GSDME: variants seen among roughly 807,000 people sequenced by gnomAD.
GSDME encodes the protein gasdermin-E.
A neutral mutation model predicts 47.5 loss-of-function variants in GSDME; 44 were observed. The ratio of observed to expected loss-of-function variants is 0.93; its 90% CI spans 0.73 to 1.19. GSDME has a LOEUF of 1.19. Ranked by LOEUF, GSDME falls within the 50% of genes most tolerant of loss-of-function variation. GSDME has a pLI of 0.00. For synonymous variants in GSDME, 258 were observed against 252.8 expected, an observed-to-expected ratio of 1.02 and a Z score of -0.20; for missense variants, 663 against 604.2, an observed-to-expected ratio of 1.10 and a Z score of -1.02.
the GSDME span, among the ~76,000 whole-genome samples, chr7:24,770,398 C>G: frequency 9.9e-5 from 15 of 152,148 alleles, no homozygotes; most frequent in Non-Finnish European, 2.1e-4. This position sits in a 1 kb window ranked among gnomAD's most constrained non-coding sequence, Gnocchi z 4.6. Context: ...GTAAGTATAG[C>G]CTTTCCTGAG....
In GSDME at chr7:24,742,192, C is replaced by A. The variant is rs898602645; in HGVS notation, c.404+2370G>T. On this transcript the variant is annotated intron_variant, in intron 3 of 9. Coordinates refer to ENST00000645220, the MANE Select transcript of GSDME (RefSeq NM_001127453.2). The surrounding 1 kb of genome is among the most constrained non-coding windows in gnomAD (Gnocchi z 4.4). ...CCACCAAGTATCCTCCCTAGGGACG[C>A]GGGTTCATGCCTCGGCCTTAACATT... Among the ~76,000 whole-genome samples, 1 of 152,180 alleles carries A rather than the reference C, an allele frequency of 6.6e-6. No homozygotes were observed. The highest frequency in any genetic ancestry group is 1.5e-5 in the Non-Finnish European group (1 of 68,030).
intron 6 of GSDME, among the ~76,000 whole-genome samples, chr7:24,709,557 C>T (rs1789263416): frequency 6.6e-6 from 1 of 152,128 alleles, no homozygotes; most frequent in Non-Finnish European, 1.5e-5. Flanking sequence ...AGCGCGCACA[C>T]GGAGCGGTTC....
At chr7:24,707,187 T>C (rs980534114) in intron 7 of GSDME, 4 of 390,020 alleles carry the variant, frequency 1.0e-5, no homozygotes, top group African/African-American at 8.5e-5. Context: ...AAAAATAATA[T>C]GAACACTTCC....
chr7:24,790,893 G>A, the GSDME span, among the ~76,000 whole-genome samples: 4 of 152,100 alleles, frequency 2.6e-5, no homozygotes, highest in South Asian at 4.2e-4. The surrounding 1 kb of genome is among the most constrained non-coding windows in gnomAD (Gnocchi z 4.1). Flanking sequence ...TGTATACACT[G>A]GGAACAATCC....
At chr7:24,752,521 ACT>A (rs1222867204) in intron 1 of GSDME, among the ~76,000 whole-genome samples, 1 of 152,084 alleles carries the variant, frequency 6.6e-6, no homozygotes, top group East Asian at 1.9e-4. Context: ...TAGAAAAGAC[ACT>A]CGCTTGGTGA....
At chr7:24,763,601 G>A in the GSDME span, among the ~76,000 whole-genome samples, 1 of 152,136 alleles carries the variant, frequency 6.6e-6, no homozygotes, top group Non-Finnish European at 1.5e-5. This position sits in a 1 kb window ranked among gnomAD's most constrained non-coding sequence, Gnocchi z 4.3. Context: ...TAAAATTTAT[G>A]AATTGCTTAT....
At chr7:24,707,921 A>C in intron 7 of GSDME, 2 of 619,784 alleles carry the variant, frequency 3.2e-6, no homozygotes, top group Non-Finnish European at 5.6e-6. Context: ...AGGTTTGTTG[A>C]GGCAGCCCTA....
At position 24,714,237 on chromosome 7, in the gene GSDME, G is replaced by A. The variant is rs766563221; in HGVS notation, c.697+3017C>T. Among the ~76,000 whole-genome samples the A allele has an allele frequency of 8.5e-5, 13 of 152,158 alleles. No individual in the cohort carries two copies. The highest frequency in any genetic ancestry group is 1.0e-4 in the Non-Finnish European group (7 of 68,026). On this transcript the variant is annotated intron_variant, in intron 5 of 9. Transcript: ENST00000645220. The surrounding 1 kb of genome is among the most constrained non-coding windows in gnomAD (Gnocchi z 5.0). ...GCTGGCATGGCTGAAGCACCTGGCC[G>A]GGATACAGATGGAGTCTGCCTCCCT...
chr7:24,779,111 C>T, the GSDME span, among the ~76,000 whole-genome samples: 2 of 152,148 alleles, frequency 1.3e-5, no homozygotes, highest in Non-Finnish European at 2.9e-5. The surrounding 1 kb of genome is among the most constrained non-coding windows in gnomAD (Gnocchi z 6.0). Context: ...GATGCAACAG[C>T]CTTAACATAC....
At chr7:24,720,895 G>A (rs1416788016) in intron 3 of GSDME, among the ~76,000 whole-genome samples, 1 of 144,192 alleles carries the variant, frequency 6.9e-6, no homozygotes, top group African/African-American at 2.7e-5. Context: ...CAACAAGAGC[G>A]AAACTCCGTC....
the GSDME span, among the ~76,000 whole-genome samples, chr7:24,786,053 G>A: frequency 6.6e-6 from 1 of 152,208 alleles, no homozygotes; most frequent in Non-Finnish European, 1.5e-5. The surrounding 1 kb of genome is among the most constrained non-coding windows in gnomAD (Gnocchi z 5.5). Flanking sequence ...TGGTGGTCAC[G>A]AATAGTTGTT....
chr7:24,773,149 G>T, the GSDME span, among the ~76,000 whole-genome samples: 3 of 152,144 alleles, frequency 2.0e-5, no homozygotes, highest in Non-Finnish European at 4.4e-5. The surrounding 1 kb of genome is among the most constrained non-coding windows in gnomAD (Gnocchi z 5.4). Context: ...CTGGAAACTC[G>T]TCAGTGACAA....
At chr7:24,794,174 CTG>C in the GSDME span, among the ~76,000 whole-genome samples, 1 of 149,472 alleles carries the variant, frequency 6.7e-6, no homozygotes, top group African/African-American at 2.5e-5. Flanking sequence ...CCTTCTGTCT[CTG>C]TCTCTTCCTC....
chr7:24,708,205 C>T lies in GSDME; in HGVS notation c.912G>A (p.Glu304=). ...TGTCACTCAAAGCTGTCTGTTGTGG[C>T]TCAGGCAGCTCCGCAAATGGATGGA... is the stretch of plus-strand genomic sequence containing the variant. ...RNFHPFAELP[E]PQQTALSDIF... Residue 304 remains glutamate, a synonymous_variant, in exon 7 of 10, where the codon GAG becomes GAA. Coordinates refer to ENST00000645220, the MANE Select transcript of GSDME (RefSeq NM_001127453.2). The T allele has an allele frequency of 1.9e-6, 3 of 1,614,160 alleles. No homozygotes were observed. The highest frequency in any genetic ancestry group is 8.5e-7 in the Non-Finnish European group (1 of 1,180,014).
Position 24,725,508 on chromosome 7 carries a change from C to G in GSDME, c.405-6290G>C, listed in dbSNP as rs1236003180. ...TCGGCCGGGAGCGTCGGCAAGACTC[C>G]TGTCTCAAGAGCCAAGCTCTTGAGT... On this transcript the variant is annotated intron_variant, in intron 3 of 9. Transcript: ENST00000645220. This position sits in a 1 kb window ranked among gnomAD's most constrained non-coding sequence, Gnocchi z 5.1. Among the ~76,000 whole-genome samples the G allele has an allele frequency of 3.9e-5, 6 of 152,098 alleles. No homozygotes were observed. Among genetic ancestry groups the G allele is most frequent in the African/African-American group, 1.4e-4 (6 of 41,404 alleles).
At chr7:24,717,218 G>GGGGGTCCCTCTGCTGAGGGATCCTCTGCT in intron 5 of GSDME, 36 bp downstream of exon 5, 1 of 1,612,908 alleles carries the variant, frequency 6.2e-7, no homozygotes, top group Non-Finnish European at 8.5e-7. Flanking sequence ...ATCCTCTGCT[G>GGGGGTCCCTCTGCTGAGGGATCCTCTGCT]GGGATCCCTC....
chr7:24,725,425 G>A lies in GSDME; in HGVS notation c.405-6207C>T, dbSNP rs1421049139. ...TAAGGGAGCCCTCAGCCAGGTGTAG[G>A]AGGACGAGCCGCAGACAAAACTCCT... On this transcript the variant is annotated intron_variant, in intron 3 of 9. Coordinates refer to ENST00000645220, the MANE Select transcript of GSDME (RefSeq NM_001127453.2). The surrounding 1 kb of genome is among the most constrained non-coding windows in gnomAD (Gnocchi z 5.1). 6.6e-6 allele frequency among the ~76,000 whole-genome samples: 1 copy of A among 152,096 alleles called. No homozygotes were observed. Among genetic ancestry groups the A allele is most frequent in the Non-Finnish European group, 1.5e-5 (1 of 67,998 alleles).
Position 24,728,100 on chromosome 7 carries a change from G to A in GSDME, c.405-8882C>T, listed in dbSNP as rs1252424788. On this transcript the variant is annotated intron_variant, in intron 3 of 9. Transcript: ENST00000645220. The surrounding 1 kb of genome is among the most constrained non-coding windows in gnomAD (Gnocchi z 7.2). ...TCTCTCGGCCATTCTTGGTCACTCC[G>A]TTTTTCTTATCAGGAATCGGGGGCA... Among the ~76,000 whole-genome samples, 3 of 152,184 alleles carry A rather than the reference G, an allele frequency of 2.0e-5. No homozygotes were observed. The highest frequency in any genetic ancestry group is 1.9e-4 in the East Asian group (1 of 5,194).
upstream of GSDME, among the ~76,000 whole-genome samples, chr7:24,758,499 C>T (rs1350411702): frequency 6.6e-6 from 1 of 152,162 alleles, no homozygotes; most frequent in Non-Finnish European, 1.5e-5. This position sits in a 1 kb window ranked among gnomAD's most constrained non-coding sequence, Gnocchi z 4.6. Context: ...CTTCACTGTG[C>T]AATGCTCTCT....
Sources: allele counts gnomAD v4.1 joint callset (sites outside exome capture counted in the v4.1 genomes callset), GRCh38; gene constraint gnomAD v4.1.1; non-coding constraint Gnocchi (gnomAD v3.1); transcripts MANE v1.5; gene names NCBI Gene and HGNC (gene_info 2026-07-23, HGNC 2026-07-21).